RPN2: variants seen among roughly 807,000 people sequenced by gnomAD.
The protein encoded by RPN2 is dolichyl-diphosphooligosaccharide--protein glycosyltransferase subunit 2.
In RPN2, 29 loss-of-function variants were observed where a neutral mutation model predicts 71.4. The ratio of observed to expected loss-of-function variants is 0.41; its 90% confidence interval spans 0.30 to 0.55. RPN2 has a LOEUF of 0.55. Among genes scored for constraint, RPN2 ranks in the 20% least tolerant of loss-of-function variants. The probability of loss-of-function intolerance (pLI) is 0.35; values close to 1 mark genes in which losing one functional copy is unlikely to be tolerated. For synonymous variants in RPN2, 308 were observed against 305.0 expected (o/e 1.01, Z -0.10); for missense variants, 726 against 774.1 (o/e 0.94, Z 0.74).
chr20:37,230,913 T>C (rs1021648387), intron 13 of RPN2, among the ~76,000 whole-genome samples: 1 of 151,916 alleles, frequency 6.6e-6, no homozygotes, highest in South Asian at 2.1e-4. Flanking sequence ...AGAAATCCTT[T>C]AATGGCAGCG....
Position 37,232,374 on chromosome 20 carries a change from C to G in RPN2, c.1660C>G (p.Leu554Val). 4 of 1,614,218 alleles carry G rather than the reference C, an allele frequency of 2.5e-6. No individual in the cohort carries two copies. Among genetic ancestry groups the G allele is most frequent in the Non-Finnish European group, 3.4e-6 (4 of 1,180,034 alleles). Residue 554 changes from leucine (L) to valine (V), a missense_variant, in exon 14 of 17, where the codon CTT becomes GTT. Leu to Val is a conservative substitution (Grantham distance 32). Coordinates refer to ENST00000237530, the MANE Select transcript of RPN2 (RefSeq NM_002951.5). ...TFTALILSPL[L>V]LLFALWIRIG... ...CACTGCCCTGATCCTCTCGCCGTTG[C>G]TTCTGCTCTTCGCTCTGGTGAGTGG...
intron 9 of RPN2, among the ~76,000 whole-genome samples, chr20:37,223,655 T>G (rs2068011188): frequency 6.6e-6 from 1 of 151,872 alleles, no homozygotes; most frequent in Non-Finnish European, 1.5e-5. Flanking sequence ...TTTTGATGTT[T>G]ACCATCCATC....
chr20:37,180,933 C>G (rs144505696), intron 1 of RPN2, among the ~76,000 whole-genome samples: 2 of 152,300 alleles, frequency 1.3e-5, no homozygotes, highest in Non-Finnish European at 2.9e-5. Context: ...CTGCTTAGAA[C>G]TTTCCAGTGG....
chr20:37,186,936 C>T (rs1247828899), intron 2 of RPN2, among the ~76,000 whole-genome samples: 12 of 152,116 alleles, frequency 7.9e-5, no homozygotes, highest in Non-Finnish European at 1.8e-4. Context: ...TGATAGTTAG[C>T]TCTTGAGGCT....
At chr20:37,199,713 C>T (rs369893816) in intron 4 of RPN2, among the ~76,000 whole-genome samples, 5 of 152,296 alleles carry the variant, frequency 3.3e-5, no homozygotes, top group African/African-American at 1.2e-4. Context: ...AGGAATCAGA[C>T]TCTACTACTC....
chr20:37,193,504 G>A (rs1254729842), intron 2 of RPN2, among the ~76,000 whole-genome samples: 2 of 152,176 alleles, frequency 1.3e-5, no homozygotes, highest in African/African-American at 2.4e-5. Flanking sequence ...CACATAGGAA[G>A]AGTTCTGATC....
Position 37,213,828 on chromosome 20 carries a change from T to C in RPN2, c.1055T>C (p.Val352Ala), listed in dbSNP as rs1386958238. Reference sequence around the variant, plus strand: ...GGTTATTATGACTTCCTTGTCGAAGTTGAAGGTGACAACCGGTATATTGCA... The same window carrying C: ...GGTTATTATGACTTCCTTGTCGAAGCTGAAGGTGACAACCGGTATATTGCA... ...SSGYYDFLVE[V>A]EGDNRYIANT... The change falls in exon 9 of 17, where the codon GTT (valine) becomes GCT (alanine). Residue 352 changes from valine to alanine, a missense_variant. Val to Ala is a moderately conservative substitution (Grantham distance 64). Transcript: ENST00000237530. 1 of 1,614,144 alleles carries C rather than the reference T, an allele frequency of 6.2e-7. No individual in the cohort carries two copies. Among genetic ancestry groups the C allele is most frequent in the South Asian group, 1.1e-5 (1 of 91,086 alleles).
intron 6 of RPN2, among the ~76,000 whole-genome samples, chr20:37,206,412 C>T (rs1274748844): frequency 1.3e-5 from 2 of 152,130 alleles, no homozygotes; most frequent in African/African-American, 2.4e-5. Flanking sequence ...AACAGATTTT[C>T]TTGTAGAAGG....
chr20:37,217,945 A>G (rs1229045637), intron 9 of RPN2, among the ~76,000 whole-genome samples: 1 of 151,812 alleles, frequency 6.6e-6, no homozygotes, highest in Non-Finnish European at 1.5e-5. Flanking sequence ...CTTGTTGGCC[A>G]GGCTGGTCTC....
chr20:37,225,732 G>A lies in RPN2; in HGVS notation c.1229G>A (p.Ser410Asn). ...GCCAAGGGCACATTCATCGCAGACA[G>A]CCACCAGAACTTCGCCTTGTTCTTC... ...AKAKGTFIAD[S>N]HQNFALFFQL... The change falls in exon 11 of 17, where the codon AGC becomes AAC. Residue 410 changes from serine to asparagine, a missense_variant. By Grantham distance (46) the Ser-to-Asn change is conservative. Transcript: ENST00000237530. 6.2e-7 allele frequency: 1 copy of A among 1,614,182 alleles called. No homozygotes were observed. Among genetic ancestry groups the A allele is most frequent in the Non-Finnish European group, 8.5e-7 (1 of 1,180,014 alleles).
chr20:37,184,281 G>A lies in RPN2; in HGVS notation c.115G>A (p.Ala39Thr). The change falls in exon 2 of 17, where the codon GCC becomes ACC. Residue 39 changes from alanine to threonine, a missense_variant. By Grantham distance (58) the Ala-to-Thr change is moderately conservative (BLOSUM62 0). Coordinates refer to ENST00000237530, the MANE Select transcript of RPN2 (RefSeq NM_002951.5). ...CAAGCATGACGTGGAGAGACTAAAA[G>A]CCTCGCTGGATCGCCCTTTCACAAA... is the stretch of plus-strand genomic sequence containing the variant. Reference protein sequence around the residue: ...LTKHDVERLKASLDRPFTNLE... With the variant: ...LTKHDVERLKTSLDRPFTNLE... The A allele has an allele frequency of 6.2e-7, 1 of 1,614,196 alleles. No individual in the cohort carries two copies. Among genetic ancestry groups the A allele is most frequent in the Non-Finnish European group, 8.5e-7 (1 of 1,180,038 alleles).
chr20:37,190,321 A>G (rs775272142), intron 2 of RPN2, among the ~76,000 whole-genome samples: 3 of 152,224 alleles, frequency 2.0e-5, no homozygotes, highest in Non-Finnish European at 4.4e-5. Context: ...GCTGCCATGC[A>G]GTGTGACTTG....
At chr20:37,217,892 C>G (rs1291112041) in intron 9 of RPN2, among the ~76,000 whole-genome samples, 1 of 151,992 alleles carries the variant, frequency 6.6e-6, no homozygotes, top group East Asian at 1.9e-4. Flanking sequence ...CGCCACCATG[C>G]CTGGCTAATT....
chr20:37,230,746 C>T (rs1161552202), intron 13 of RPN2, among the ~76,000 whole-genome samples: 1 of 152,086 alleles, frequency 6.6e-6, no homozygotes, highest in East Asian at 1.9e-4. Flanking sequence ...CTTTAAAAAA[C>T]AAGTGCTCAA....
At chr20:37,191,507 G>C (rs775282963) in intron 2 of RPN2, among the ~76,000 whole-genome samples, 2 of 151,798 alleles carry the variant, frequency 1.3e-5, no homozygotes, top group Admixed American at 6.6e-5. Context: ...TGGCTCACAC[G>C]TGTAATCCCA....
chr20:37,208,293 C>T (rs892360220), intron 7 of RPN2, among the ~76,000 whole-genome samples: 2 of 150,390 alleles, frequency 1.3e-5, no homozygotes, highest in African/African-American at 4.9e-5. Flanking sequence ...AAAATACAGG[C>T]TTTCAGTAAG....
chr20:37,199,825 A>G (rs6073655), intron 4 of RPN2, among the ~76,000 whole-genome samples: 110,741 of 151,946 alleles, frequency 0.73, 40,823 homozygotes, highest in Middle Eastern at 0.85. Context: ...GTGATAATAT[A>G]TGTAGTTTTA....
chr20:37,223,872 C>G lies in RPN2; in HGVS notation c.1093-6C>G. ...CCTGGCAACTGTCTTCTCTATTTTC[C>G]TCTAGCTCAGAGTCAAGATCTCCAC... On this transcript the variant is annotated splice_region_variant and splice_polypyrimidine_tract_variant and intron_variant, in intron 9 of 16. Coordinates refer to ENST00000237530, the MANE Select transcript of RPN2 (RefSeq NM_002951.5). 1 of 1,613,182 alleles carries G rather than the reference C, an allele frequency of 6.2e-7. No homozygotes were observed. Among genetic ancestry groups the G allele is most frequent in the Non-Finnish European group, 8.5e-7 (1 of 1,179,222 alleles).
chr20:37,188,300 G>A (rs2067060205), intron 2 of RPN2, among the ~76,000 whole-genome samples: 1 of 151,782 alleles, frequency 6.6e-6, no homozygotes, highest in Non-Finnish European at 1.5e-5. Context: ...TCCTATAGGT[G>A]CACGCCACCA....
Sources: gnomAD v4.1 joint callset for allele counts (sites outside exome capture counted in the v4.1 genomes callset) on GRCh38, gnomAD v4.1.1 for gene constraint, MANE v1.5 for transcripts, NCBI Gene and HGNC (gene_info 2026-07-23, HGNC 2026-07-21) for gene names.